Variants in NSD2 observed in about 807,000 individuals in gnomAD.
NSD2 encodes the protein histone-lysine N-methyltransferase NSD2.
NSD2 carries 12 observed loss-of-function variants against 139.0 expected under a neutral mutation model. The ratio of observed to expected loss-of-function variants is 0.09; its 90% CI spans 0.06 to 0.14. NSD2 has a LOEUF of 0.14. Among genes scored for constraint, NSD2 ranks in the 10% least tolerant of loss-of-function variants. The probability of loss-of-function intolerance (pLI) is 1.00; values close to 1 mark genes in which losing one functional copy is unlikely to be tolerated. For missense variants in NSD2, 1,155 were observed against 1,745.0 expected, an observed-to-expected ratio of 0.66 and a Z score of 6.02; for synonymous variants, 669 against 648.7, an observed-to-expected ratio of 1.03 and a Z score of -0.48.
chr4:1,935,921 A>G (rs573558480), intron 7 of NSD2, among the ~76,000 whole-genome samples: 21 of 152,340 alleles, frequency 1.4e-4, no homozygotes, highest in Admixed American at 7.8e-4. Context: ...CTTATTATTC[A>G]GGATGTAAGT....
At chr4:1,964,425 G>A (rs1047231279) in intron 18 of NSD2, among the ~76,000 whole-genome samples, 2 of 152,112 alleles carry the variant, frequency 1.3e-5, no homozygotes. Flanking sequence ...GGCAAATTGG[G>A]GTTAATTTTG....
At chr4:1,951,897 C>T (rs2108944715) in intron 10 of NSD2, 1 of 691,676 alleles carries the variant, frequency 1.4e-6, no homozygotes, top group Non-Finnish European at 2.3e-6. Context: ...GAGGACTGGC[C>T]TCTTTCTGTA....
chr4:1,956,204 G>T lies in NSD2; in HGVS notation c.2881+16G>T, dbSNP rs1370076399. ...TTCAAAAACGGTACGGAGATATTCA[G>T]ATAGAGAGTGAGACAGCACTCTCGT... On this transcript the variant is annotated intron_variant, in intron 15 of 21. Coordinates refer to ENST00000508803, the MANE Select transcript of NSD2 (RefSeq NM_001042424.3). This position sits in a 1 kb window ranked among gnomAD's most constrained non-coding sequence, Gnocchi z 5.3. 6.4e-7 allele frequency: 1 copy of T among 1,574,666 alleles called. No individual in the cohort carries two copies.
At chr4:1,878,164 G>T (rs1204629906) in intron 1 of NSD2, among the ~76,000 whole-genome samples, 1 of 144,346 alleles carries the variant, frequency 6.9e-6, no homozygotes. Flanking sequence ...GGGTTCAAGC[G>T]GTTCTCCTGC....
intron 7 of NSD2, among the ~76,000 whole-genome samples, chr4:1,936,309 C>T (rs1722391586): frequency 2.6e-5 from 4 of 152,082 alleles, no homozygotes; most frequent in East Asian, 1.9e-4. Flanking sequence ...CTCAGATGTC[C>T]GGTTAACTTT....
rs748919506 is a variant in NSD2, at chr4:1,900,757, A to G, written c.103A>G (p.Thr35Ala). 1.9e-6 allele frequency: 3 copies of G among 1,613,872 alleles called. No homozygotes were observed. In the African/African-American group the frequency reaches 4.0e-5, roughly 22 times the overall value. Reference protein sequence around the residue: ...PEILGSANGKTPSCEVNRECS... With the variant: ...PEILGSANGKAPSCEVNRECS... The stretch of plus-strand genomic sequence containing the variant: ...AATCCTCGGCAGTGCCAACGGGAAG[A>G]CTCCGAGCTGCGAGGTGAACCGCGA... Residue 35 changes from threonine (T) to alanine (A), a missense_variant, in exon 2 of 22, where the codon ACT becomes GCT. Coordinates refer to ENST00000508803, the MANE Select transcript of NSD2 (RefSeq NM_001042424.3).
intron 6 of NSD2, among the ~76,000 whole-genome samples, chr4:1,934,898 TATATATATATAA>T (rs1290828612): frequency 1.7e-5 from 2 of 117,410 alleles, no homozygotes; most frequent in African/African-American, 6.7e-5. Context: ...TATATATATA[TATATATATATAA>T]AAAACAGATA....
At chr4:1,882,667 A>C (rs994498949) in intron 1 of NSD2, among the ~76,000 whole-genome samples, 11 of 151,982 alleles carry the variant, frequency 7.2e-5, no homozygotes, top group African/African-American at 2.4e-4. Flanking sequence ...TCTGTCTCAA[A>C]AACAACAACA....
chr4:1,952,857 G>A (rs192128174), intron 11 of NSD2: 5 of 1,299,830 alleles, frequency 3.8e-6, no homozygotes, highest in African/African-American at 1.5e-5. Context: ...CCTATCTCAC[G>A]TCAGAACACT....
intron 3 of NSD2, among the ~76,000 whole-genome samples, chr4:1,913,862 C>G (rs1423385185): frequency 6.6e-6 from 1 of 152,136 alleles, no homozygotes; most frequent in Non-Finnish European, 1.5e-5. Context: ...TCTCTCGTCT[C>G]CACACACGAG....
Position 1,981,165 on chromosome 4 carries a change from G to A in NSD2, c.*2256G>A. Reference sequence around the variant, plus strand: ...TTCCAAATTTTATGATTTTTCTGAAGGAAATAATGCAAACATTTTAAATAT... The same window carrying A: ...TTCCAAATTTTATGATTTTTCTGAAAGAAATAATGCAAACATTTTAAATAT... On this transcript the variant is annotated 3_prime_UTR_variant, in exon 22 of 22. Transcript: ENST00000508803. 1 of 233,242 alleles carries A rather than the reference G, an allele frequency of 4.3e-6. No homozygotes were observed. The allele number at this position is 233,242 out of a possible 1,614,324, so 14.4% of individuals were successfully genotyped here.
At chr4:1,936,147 G>A (rs1184068419) in intron 7 of NSD2, among the ~76,000 whole-genome samples, 1 of 152,226 alleles carries the variant, frequency 6.6e-6, no homozygotes, top group Admixed American at 6.5e-5. Flanking sequence ...CTGCCAGCAT[G>A]TGTCCAGGGA....
rs774429583 is a variant in NSD2 at position 1,893,543 on chromosome 4, GT to G, written c.-29-7067del. On this transcript the variant is annotated intron_variant, in intron 1 of 21. Transcript: ENST00000508803. The stretch of plus-strand genomic sequence containing the variant: ...TATTTTGCCTCTTTTTTTGTTTTTT[GT>G]TTTTTTTTTTTTTTTGTTTTGTTTT... Among the ~76,000 whole-genome samples the G allele has an allele frequency of 1.6e-3, 198 of 121,398 alleles. 1 individual carries two copies. Among genetic ancestry groups the G allele is most frequent in the East Asian group, 7.5e-3 (35 of 4,654 alleles). The allele number at this position is 121,398 out of a possible 152,430, so 79.6% of individuals were successfully genotyped here. A position where few individuals can be genotyped will look rare whatever the true frequency, so the allele number is the denominator to read the frequency against.
chr4:1,872,566 G>T (rs1275808197), intron 1 of NSD2, among the ~76,000 whole-genome samples: 2 of 68,214 alleles, frequency 2.9e-5, no homozygotes, highest in South Asian at 5.7e-4. Flanking sequence ...CGTGTATTTT[G>T]TGTGTGTGTG....
chr4:1,946,977 G>T, intron 9 of NSD2: 1 of 1,062,790 alleles, frequency 9.4e-7, no homozygotes, highest in Non-Finnish European at 1.1e-6. Context: ...GAAGCATGCT[G>T]ACCATCCAGG....
intron 5 of NSD2, among the ~76,000 whole-genome samples, chr4:1,929,944 C>T (rs1004144636): frequency 3.3e-5 from 5 of 152,172 alleles, no homozygotes; most frequent in African/African-American, 7.2e-5. Flanking sequence ...GATCAGACTT[C>T]GGTGTGTCTG....
chr4:1,936,102 C>G (rs777256130), intron 7 of NSD2, among the ~76,000 whole-genome samples: 3 of 152,198 alleles, frequency 2.0e-5, no homozygotes, highest in Non-Finnish European at 4.4e-5. Flanking sequence ...AGCATAGATA[C>G]AAAGCCAGCC....
chr4:1,940,729 C>A, intron 9 of NSD2: 1 of 1,060,848 alleles, frequency 9.4e-7, no homozygotes, highest in Non-Finnish European at 1.1e-6. Flanking sequence ...CTTGCTGAGT[C>A]AGAAGGCGGC....
At position 1,959,644 on chromosome 4, in the gene NSD2, G is replaced by A; in HGVS notation, c.3159G>A (p.Gln1053=). The change falls in exon 17 of 22, where the codon CAG becomes CAA. Residue 1053 remains glutamine, a synonymous_variant. Coordinates refer to ENST00000508803, the MANE Select transcript of NSD2 (RefSeq NM_001042424.3). The part of the protein sequence containing the change: ...PQVCPAGEFC[Q]NQCFTKRQYP... ...TGTGTCCCGCGGGCGAGTTCTGCCA[G>A]AACCAGTGCTTCACCAAGCGCCAGT... 2 of 1,614,136 alleles carry A rather than the reference G, an allele frequency of 1.2e-6. No homozygotes were observed. The highest frequency in any genetic ancestry group is 1.7e-6 in the Non-Finnish European group (2 of 1,180,014).
Sources: allele counts gnomAD v4.1 joint callset (sites outside exome capture counted in the v4.1 genomes callset), GRCh38; gene constraint gnomAD v4.1.1; non-coding constraint Gnocchi (gnomAD v3.1); transcripts MANE v1.5; gene names NCBI Gene and HGNC (gene_info 2026-07-23, HGNC 2026-07-21).